SUMF1: variants seen among roughly 807,000 people sequenced by gnomAD.
SUMF1 encodes the protein sulfatase modifying factor 1.
Under a neutral mutation model 47.6 loss-of-function variants are expected in SUMF1, and 48 were observed. The observed-to-expected ratio is 1.01, with a 90% confidence interval of 0.80 to 1.28. SUMF1 has a LOEUF of 1.28. Ranked by LOEUF, SUMF1 falls within the 50% of genes most tolerant of loss-of-function variation. The probability of loss-of-function intolerance (pLI) is 0.00; values close to 1 mark genes in which losing one functional copy is unlikely to be tolerated. For synonymous variants in SUMF1, 230 were observed against 192.1 expected, an observed-to-expected ratio of 1.20 and a Z score of -1.63; for missense variants, 571 against 485.4, an observed-to-expected ratio of 1.18 and a Z score of -1.66.
At chr3:4,039,379 G>A (rs10452016) in intron 9 of SUMF1, among the ~76,000 whole-genome samples, 1 of 44,476 alleles carries the variant, frequency 2.2e-5, no homozygotes, top group African/African-American at 7.2e-5. Flanking sequence ...CCCCTCCCCC[G>A]ACCCCACCAC....
At chr3:4,395,686 C>T (rs1344527950) in intron 7 of SUMF1, among the ~76,000 whole-genome samples, 1 of 152,154 alleles carries the variant, frequency 6.6e-6, no homozygotes, top group Non-Finnish European at 1.5e-5. Context: ...CTACTTGTTT[C>T]ACCCACACCA....
chr3:4,169,112 A>T (rs988718161), intron 8 of SUMF1, among the ~76,000 whole-genome samples: 1 of 152,186 alleles, frequency 6.6e-6, no homozygotes, highest in Non-Finnish European at 1.5e-5. Flanking sequence ...CAGCTTTCCC[A>T]GAGGTAAATA....
intron 8 of SUMF1, among the ~76,000 whole-genome samples, chr3:4,374,203 A>G (rs1700255413): frequency 6.6e-6 from 1 of 152,220 alleles, no homozygotes; most frequent in Admixed American, 6.5e-5. Context: ...CAGCAAGAAA[A>G]AGTTATAAAA....
intron 8 of SUMF1, among the ~76,000 whole-genome samples, chr3:4,374,397 A>T (rs1700260828): frequency 6.6e-6 from 1 of 152,226 alleles, no homozygotes; most frequent in East Asian, 1.9e-4. Flanking sequence ...AGTATGTAGG[A>T]GTTTAAAAGA....
chr3:4,295,633 G>C (rs940112723), intron 8 of SUMF1, among the ~76,000 whole-genome samples: 6 of 152,132 alleles, frequency 3.9e-5, no homozygotes, highest in African/African-American at 1.4e-4. Flanking sequence ...GAATACGCAT[G>C]ATAATAAATT....
Position 4,236,918 on chromosome 3 carries a change from C to A in SUMF1, c.1014+139412G>T, listed in dbSNP as rs1696421974. ...ATTCATCCCTGTTACCCCACTGACCCCTGTCAGTCACTGATCTTTTACTGT... is the reference window on the plus strand; with the variant it reads ...ATTCATCCCTGTTACCCCACTGACCACTGTCAGTCACTGATCTTTTACTGT... On this transcript the variant is annotated intron_variant and NMD_transcript_variant, in intron 8 of 12. Transcript: ENST00000448413. 2.0e-5 allele frequency among the ~76,000 whole-genome samples: 3 copies of A among 152,188 alleles called. 1 individual carries two copies. Among genetic ancestry groups the A allele is most frequent in the Middle Eastern group, 6.8e-3 (2 of 294 alleles).
At chr3:4,111,324 C>T (rs188569987) in intron 8 of SUMF1, among the ~76,000 whole-genome samples, 47 of 152,000 alleles carry the variant, frequency 3.1e-4, no homozygotes, top group Admixed American at 2.7e-3. Context: ...CAATTCAAAC[C>T]CATGTTGTTC....
chr3:4,387,418 T>G (rs1700710393), intron 7 of SUMF1, among the ~76,000 whole-genome samples: 1 of 152,038 alleles, frequency 6.6e-6, no homozygotes, highest in Non-Finnish European at 1.5e-5. Context: ...ATCCTTTTGA[T>G]GTCTACAGAG....
At chr3:4,101,993 G>A (rs1369993252) in intron 8 of SUMF1, among the ~76,000 whole-genome samples, 1 of 152,090 alleles carries the variant, frequency 6.6e-6, no homozygotes, top group Admixed American at 6.6e-5. Flanking sequence ...TGAGCAAAAG[G>A]GGAAGCCCCG....
At position 4,467,196 on chromosome 3, in the gene SUMF1, C is replaced by G; in HGVS notation, c.50G>C (p.Gly17Ala). The G allele has an allele frequency of 6.2e-7, 1 of 1,611,284 alleles. No homozygotes were observed. Among genetic ancestry groups the G allele is most frequent in the African/African-American group, 1.3e-5 (1 of 74,974 alleles). Residue 17 changes from glycine (G) to alanine (A), a missense_variant, in exon 1 of 9, where the codon GGT becomes GCT. Physicochemically the swap from Gly to Ala is moderately conservative, Grantham distance 60. Coordinates refer to ENST00000272902, the MANE Select transcript of SUMF1 (RefSeq NM_182760.4). ...GAGCAGCAGCAGCAAGAGGACGAGA[C>G]CCAGCTCAGGGCAACGTCCACACAC... is the stretch of plus-strand genomic sequence containing the variant. ...GLVCGRCPELGLVLLLLLLSL... is the reference protein window; with the variant it reads ...GLVCGRCPELALVLLLLLLSL...
Position 4,184,072 on chromosome 3 carries a change from T to A in SUMF1, c.1015-115327A>T, listed in dbSNP as rs1452812716. ...ATCTCTTGAACCTGGGAAGAGGAGG[T>A]TGCAATAAGTTGAAATCATGCCACT... On this transcript the variant is annotated intron_variant and NMD_transcript_variant, in intron 8 of 12. Transcript: ENST00000448413. Among the ~76,000 whole-genome samples the A allele has an allele frequency of 2.0e-5, 3 of 150,850 alleles. No homozygotes were observed. In the East Asian group the frequency reaches 5.8e-4, roughly 29 times the overall value.
At position 4,106,626 on chromosome 3, in the gene SUMF1, G is replaced by A. The variant is rs145426174; in HGVS notation, c.1015-37881C>T. ...TAAAGAAATAACGAGAAACTTGAAGGCAACAGGAAAAGTAGAAGCCGAATA... is the reference window on the plus strand; with the variant it reads ...TAAAGAAATAACGAGAAACTTGAAGACAACAGGAAAAGTAGAAGCCGAATA... On this transcript the variant is annotated intron_variant and NMD_transcript_variant, in intron 8 of 12. Coordinates refer to the SUMF1 transcript ENST00000448413. Among the ~76,000 whole-genome samples the A allele has an allele frequency of 2.9e-3, 447 of 152,144 alleles. 7 individuals are homozygous for A. The highest frequency in any genetic ancestry group is 0.01 in the African/African-American group (424 of 41,496).
At chr3:4,274,303 A>C (rs181134068) in intron 8 of SUMF1, among the ~76,000 whole-genome samples, 2 of 152,266 alleles carry the variant, frequency 1.3e-5, no homozygotes, top group East Asian at 3.9e-4. Flanking sequence ...TTTCACCAAG[A>C]AACTAAATTT....
chr3:4,337,684 A>C (rs1161076010), intron 8 of SUMF1, among the ~76,000 whole-genome samples: 1 of 152,214 alleles, frequency 6.6e-6, no homozygotes, highest in Non-Finnish European at 1.5e-5. Flanking sequence ...GTGGATACAG[A>C]AAAGTGCTTT....
chr3:4,349,977 AGT>A (rs1251123202), intron 8 of SUMF1, among the ~76,000 whole-genome samples: 9 of 151,838 alleles, frequency 5.9e-5, no homozygotes, highest in South Asian at 4.2e-4. Flanking sequence ...AAAAAAAATA[AGT>A]TGTATATATT....
At chr3:4,358,530 T>C (rs1244489920), downstream of SUMF1, among the ~76,000 whole-genome samples, 3 of 152,210 alleles carry the variant, frequency 2.0e-5, no homozygotes, top group Non-Finnish European at 4.4e-5. Context: ...TCACATGTGG[T>C]TTAAAACATG....
At chr3:4,360,621 C>G (rs1267821419), downstream of SUMF1, among the ~76,000 whole-genome samples, 1 of 152,210 alleles carries the variant, frequency 6.6e-6, no homozygotes, top group African/African-American at 2.4e-5. Flanking sequence ...GTGTGAGCCA[C>G]TGGGCCTGGC....
chr3:4,051,349 T>A (rs1245597252), intron 9 of SUMF1, among the ~76,000 whole-genome samples: 2 of 152,128 alleles, frequency 1.3e-5, no homozygotes, highest in Non-Finnish European at 2.9e-5. Context: ...CGTTCTTTTC[T>A]TTGTAACTAA....
chr3:4,176,886 A>G (rs1694977233), intron 8 of SUMF1, among the ~76,000 whole-genome samples: 1 of 152,212 alleles, frequency 6.6e-6, no homozygotes, highest in African/African-American at 2.4e-5. Flanking sequence ...AGGGGTTGCA[A>G]TCCTCATCTC....
Sources: allele counts gnomAD v4.1 joint callset (sites outside exome capture counted in the v4.1 genomes callset), GRCh38; gene constraint gnomAD v4.1.1; transcripts MANE v1.5; gene names NCBI Gene and HGNC (gene_info 2026-07-23, HGNC 2026-07-21).